Variants in UBE3D observed in about 807,000 individuals in gnomAD.
The protein encoded by UBE3D is ubiquitin protein ligase E3D, also known as E3 ubiquitin-protein ligase E3D.
Under a neutral mutation model 49.6 loss-of-function variants are expected in UBE3D, and 48 were observed. That is an observed-to-expected ratio of 0.97 (90% CI 0.77 to 1.23). UBE3D has a LOEUF of 1.23. UBE3D is among the 50% of genes most tolerant of loss of function. The pLI is 0.00. For missense variants in UBE3D, 452 were observed against 468.4 expected (o/e 0.96, Z 0.32); for synonymous variants, 189 against 174.2 (o/e 1.08, Z -0.67).
In UBE3D at chr6:83,022,087, C is replaced by T. The variant is rs529254584; in HGVS notation, c.846+366G>A. ...TGTCACCCAGGCTTGAGTGCAGCGG[C>T]ACCATCTTGGCTCAATGCAACCTCC... On this transcript the variant is annotated intron_variant, in intron 7 of 9. Transcript: ENST00000369747. 9.2e-5 allele frequency among the ~76,000 whole-genome samples: 14 copies of T among 152,042 alleles called. 1 individual carries two copies. The South Asian group carries it at 2.7e-3, about 29-fold the overall frequency.
intron 1 of UBE3D, among the ~76,000 whole-genome samples, chr6:83,062,309 T>C (rs770119111): frequency 6.6e-6 from 1 of 152,180 alleles, no homozygotes; most frequent in Admixed American, 6.5e-5. Context: ...TATAAATAGA[T>C]CTTTACATCT....
downstream of UBE3D, among the ~76,000 whole-genome samples, chr6:82,888,933 T>C (rs1311195923): frequency 6.6e-6 from 1 of 152,254 alleles, no homozygotes; most frequent in Non-Finnish European, 1.5e-5. Context: ...TCTGATTCAG[T>C]AGATGAAATC....
chr6:82,957,543 A>G (rs927958036), intron 8 of UBE3D, 93 bp from the exon 9 acceptor site: 7 of 1,412,310 alleles, frequency 5.0e-6, no homozygotes, highest in Non-Finnish European at 6.7e-6. Flanking sequence ...TTGTGAGAGA[A>G]AAAGGCAAAG....
intron 8 of UBE3D, among the ~76,000 whole-genome samples, chr6:82,976,931 G>A (rs2127713502): frequency 6.6e-6 from 1 of 151,894 alleles, no homozygotes; most frequent in Non-Finnish European, 1.5e-5. Context: ...TGGCTAACAC[G>A]GTGAAACCCC....
chr6:82,977,312 AC>A (rs1777801682), intron 8 of UBE3D, among the ~76,000 whole-genome samples: 1 of 151,944 alleles, frequency 6.6e-6, no homozygotes, highest in South Asian at 2.1e-4. Flanking sequence ...TAGCATACAA[AC>A]CTATTAATCA....
intron 8 of UBE3D, among the ~76,000 whole-genome samples, chr6:83,016,829 C>T (rs750846790): frequency 1.3e-5 from 2 of 152,084 alleles, no homozygotes; most frequent in Non-Finnish European, 2.9e-5. Context: ...AACTTGGAGT[C>T]CAATGTTCAA....
intron 8 of UBE3D, among the ~76,000 whole-genome samples, chr6:82,972,088 G>T (rs1340067916): frequency 6.6e-6 from 1 of 152,182 alleles, no homozygotes; most frequent in Admixed American, 6.5e-5. Flanking sequence ...CTCAGCCCAT[G>T]CCTTCAGAAC....
At chr6:83,039,465 C>T (rs1582715946) in intron 4 of UBE3D, among the ~76,000 whole-genome samples, 4 of 152,200 alleles carry the variant, frequency 2.6e-5, no homozygotes, top group East Asian at 3.9e-4. Context: ...AAACTGAGTT[C>T]CATGGAAGTG....
intron 1 of UBE3D, among the ~76,000 whole-genome samples, chr6:83,063,539 A>C (rs1784313042): frequency 6.6e-6 from 1 of 152,148 alleles, no homozygotes; most frequent in African/African-American, 2.4e-5. Flanking sequence ...AAGAACTCTC[A>C]ATTAAACAAG....
intron 9 of UBE3D, among the ~76,000 whole-genome samples, chr6:82,895,484 G>A (rs147992337): frequency 3.3e-4 from 50 of 152,206 alleles, no homozygotes; most frequent in Middle Eastern, 3.4e-3. Context: ...GGCCAGGGAC[G>A]TTCTCCTACA....
In UBE3D at chr6:83,018,922, C is replaced by A. The variant is rs754644383; in HGVS notation, c.1010+51G>T. On this transcript the variant is annotated intron_variant, in intron 8 of 9. Coordinates refer to ENST00000369747, the MANE Select transcript of UBE3D (RefSeq NM_198920.3). Reference sequence around the variant, plus strand: ...CATTAATTTCTTAACACCAACATGACAACAAAAGCTAAAACATAATGTGGA... The same window carrying A: ...CATTAATTTCTTAACACCAACATGAAAACAAAAGCTAAAACATAATGTGGA... 20 of 1,598,492 alleles carry A rather than the reference C, an allele frequency of 1.3e-5. No individual in the cohort carries two copies. The South Asian group carries it at 2.2e-4, about 17-fold the overall frequency.
chr6:82,917,733 C>T (rs1349834169), intron 9 of UBE3D, among the ~76,000 whole-genome samples: 1 of 152,144 alleles, frequency 6.6e-6, no homozygotes, highest in Non-Finnish European at 1.5e-5. Context: ...GGAAACCAGA[C>T]AAAGACAAAG....
intron 9 of UBE3D, among the ~76,000 whole-genome samples, chr6:82,903,456 T>G (rs1157227200): frequency 6.6e-6 from 1 of 152,156 alleles, no homozygotes; most frequent in Non-Finnish European, 1.5e-5. Context: ...GATGACATAT[T>G]GGCCTGAAAT....
At chr6:82,980,018 A>G (rs1778004978) in intron 8 of UBE3D, among the ~76,000 whole-genome samples, 1 of 152,158 alleles carries the variant, frequency 6.6e-6, no homozygotes, top group Non-Finnish European at 1.5e-5. Context: ...GGTTGATTAT[A>G]TATCTTTGCT....
At chr6:83,049,866 A>G in intron 3 of UBE3D, 1 of 464,766 alleles carries the variant, frequency 2.2e-6, no homozygotes, top group Non-Finnish European at 4.4e-6. Context: ...AATTCCAAAC[A>G]CAAGGACTAT....
chr6:83,055,139 T>TG lies in UBE3D; in HGVS notation c.275-902dup, dbSNP rs1554213842. Among the ~76,000 whole-genome samples, 11 of 58,000 alleles carry TG rather than the reference T, an allele frequency of 1.9e-4. No homozygotes were observed. The Admixed American group carries it at 2.3e-3, about 12-fold the overall frequency. 38.1% of individuals were successfully genotyped at this position (58,000 alleles called of 152,430 possible). On this transcript the variant is annotated intron_variant, in intron 2 of 9. Transcript: ENST00000369747. ...AGCTATGGTAAAACGTTGAAAGCTGTGGGGAAAAATGTATATTTCTCACAC... is the reference window on the plus strand; with the variant it reads ...AGCTATGGTAAAACGTTGAAAGCTGTGGGGGAAAAATGTATATTTCTCACAC...
intron 9 of UBE3D, among the ~76,000 whole-genome samples, chr6:82,937,318 C>CAAAAA (rs974147579): frequency 3.3e-5 from 5 of 151,740 alleles, no homozygotes; most frequent in Non-Finnish European, 7.4e-5. Flanking sequence ...CCCCTTCTAA[C>CAAAAA]AAAACAAAAC....
At chr6:82,989,726 A>T (rs1016886) in intron 8 of UBE3D, among the ~76,000 whole-genome samples, 103,625 of 152,052 alleles carry the variant, frequency 0.68, 36,023 homozygotes, top group East Asian at 0.83. Flanking sequence ...ACTGTCCCAT[A>T]TGCCCATGTT....
chr6:83,020,345 T>TTTTTTTTTTTG (rs1554204639), intron 7 of UBE3D, among the ~76,000 whole-genome samples: 9 of 140,576 alleles, frequency 6.4e-5, no homozygotes, highest in African/African-American at 1.2e-4. Context: ...GATACTGTTT[T>TTTTTTTTTTTG]TTTTTTTTTT....
Sources: gnomAD v4.1 joint callset for allele counts (sites outside exome capture counted in the v4.1 genomes callset) on GRCh38, gnomAD v4.1.1 for gene constraint, MANE v1.5 for transcripts, NCBI Gene and HGNC (gene_info 2026-07-23, HGNC 2026-07-21) for gene names.